Variants in NRXN3 observed in about 807,000 individuals in gnomAD.
The protein encoded by NRXN3 is neurexin III.
NRXN3 carries 32 observed loss-of-function variants against 137.6 expected under a neutral mutation model. The observed-to-expected ratio is 0.23, with a 90% confidence interval of 0.18 to 0.31. The LOEUF (loss-of-function observed/expected upper bound fraction) is 0.31, where lower values mean the gene tolerates loss of function less well. Among genes scored for constraint, NRXN3 ranks in the 10% least tolerant of loss-of-function variants. NRXN3 has a pLI of 1.00. For missense variants in NRXN3, 1,574 were observed against 2,062.5 expected (o/e 0.76, Z 4.59); for synonymous variants, 798 against 784.5 (o/e 1.02, Z -0.29).
intron 4 of NRXN3, among the ~76,000 whole-genome samples, chr14:78,432,599 C>T (rs1194359458): frequency 6.6e-6 from 1 of 152,178 alleles, no homozygotes; most frequent in African/African-American, 2.4e-5. Context: ...GGGCAAGCTC[C>T]TATGCCTCAG....
intron 15 of NRXN3, among the ~76,000 whole-genome samples, chr14:79,184,463 A>G (rs1051014039): frequency 6.6e-6 from 1 of 152,212 alleles, no homozygotes; most frequent in Admixed American, 6.5e-5. Flanking sequence ...CCTTTACAAA[A>G]GTAGGTGCTA....
At chr14:79,191,494 G>GCATAACTATGTTCCCACTTA (rs1244617000) in intron 15 of NRXN3, among the ~76,000 whole-genome samples, 1 of 152,166 alleles carries the variant, frequency 6.6e-6, no homozygotes, top group Non-Finnish European at 1.5e-5. Context: ...CTGACTTCTT[G>GCATAACTATGTTCCCACTTA]CATAACTATG....
intron 16 of NRXN3, among the ~76,000 whole-genome samples, chr14:79,620,190 G>A (rs577647531): frequency 6.6e-6 from 1 of 152,216 alleles, no homozygotes; most frequent in South Asian, 2.1e-4. Context: ...TACAAGGAGT[G>A]TCCAGAGAAT....
chr14:78,774,892 TAGCCTGGGTGACAG>T (rs886817925), intron 8 of NRXN3, among the ~76,000 whole-genome samples: 4 of 151,980 alleles, frequency 2.6e-5, no homozygotes, highest in African/African-American at 9.7e-5. Flanking sequence ...CACTACACGC[TAGCCTGGGTGACAG>T]AGTGAAACCC....
At chr14:79,817,079 T>G (rs988888999) in intron 20 of NRXN3, among the ~76,000 whole-genome samples, 4 of 152,124 alleles carry the variant, frequency 2.6e-5, no homozygotes, top group Non-Finnish European at 4.4e-5. Context: ...TATTTTTTTT[T>G]GGTCACTCTG....
At chr14:78,298,425 T>A (rs1404810483) in intron 4 of NRXN3, among the ~76,000 whole-genome samples, 1 of 152,234 alleles carries the variant, frequency 6.6e-6, no homozygotes, top group East Asian at 1.9e-4. Context: ...AATGTCCTCA[T>A]GGCAGAATAC....
At chr14:79,374,356 G>A (rs1437441095) in intron 15 of NRXN3, among the ~76,000 whole-genome samples, 2 of 151,984 alleles carry the variant, frequency 1.3e-5, no homozygotes, top group African/African-American at 4.8e-5. Flanking sequence ...TGCCCTTTAT[G>A]TTAGAGTTTA....
intron 6 of NRXN3, among the ~76,000 whole-genome samples, chr14:78,657,046 C>CAAAAAAAAAAA (rs1174872709): frequency 3.2e-5 from 1 of 31,056 alleles, no homozygotes; most frequent in African/African-American, 1.1e-4. Context: ...GACTCCGTCT[C>CAAAAAAAAAAA]AAAAAAAAAA....
At chr14:78,724,380 T>A (rs1196364953) in intron 8 of NRXN3, among the ~76,000 whole-genome samples, 1 of 152,200 alleles carries the variant, frequency 6.6e-6, no homozygotes, top group African/African-American at 2.4e-5. Context: ...ACTTAAAACC[T>A]AAAACTTGAC....
intron 19 of NRXN3, among the ~76,000 whole-genome samples, chr14:79,715,420 T>C (rs2098820454): frequency 6.6e-6 from 1 of 152,220 alleles, no homozygotes; most frequent in South Asian, 2.1e-4. Flanking sequence ...GTGGAGATTC[T>C]GGCAAACCTA....
At chr14:78,314,355 A>G (rs1215985940) in intron 4 of NRXN3, among the ~76,000 whole-genome samples, 2 of 152,208 alleles carry the variant, frequency 1.3e-5, no homozygotes, top group African/African-American at 4.8e-5. Context: ...TAATGCTAAC[A>G]AAATTTTCTC....
At chr14:78,848,081 C>T (rs1346502113) in intron 10 of NRXN3, among the ~76,000 whole-genome samples, 5 of 152,026 alleles carry the variant, frequency 3.3e-5, no homozygotes, top group South Asian at 2.1e-4. Context: ...AAGAGTTACC[C>T]AAGGCTCAGT....
intron 15 of NRXN3, chr14:79,246,745 C>A (rs1221535590): frequency 6.6e-6 from 1 of 152,058 alleles, no homozygotes; most frequent in Non-Finnish European, 1.5e-5. Context: ...TTTTGTTTTC[C>A]CTGCAACAAG....
At chr14:78,780,300 ATAAAT>A (rs1405475329) in intron 8 of NRXN3, among the ~76,000 whole-genome samples, 2 of 152,206 alleles carry the variant, frequency 1.3e-5, no homozygotes, top group East Asian at 3.8e-4. Context: ...ACCCATGAAA[ATAAAT>A]TAAGGATATA....
chr14:78,758,360 C>T (rs2098678157), intron 8 of NRXN3, among the ~76,000 whole-genome samples: 1 of 152,218 alleles, frequency 6.6e-6, no homozygotes, highest in South Asian at 2.1e-4. Context: ...CTTAAACCTT[C>T]CAGCCATGGC....
At chr14:78,355,279 GGAGCACAGT>G (rs1481758837) in intron 4 of NRXN3, among the ~76,000 whole-genome samples, 1 of 151,844 alleles carries the variant, frequency 6.6e-6, no homozygotes, top group African/African-American at 2.4e-5. Context: ...TCCCTTTGAG[GGAGCACAGT>G]GAGAGATGGG....
At chr14:78,860,188 G>C (rs899674904) in intron 10 of NRXN3, among the ~76,000 whole-genome samples, 1 of 152,008 alleles carries the variant, frequency 6.6e-6, no homozygotes. Context: ...ACTGCACTGG[G>C]TACCTTATAT....
Position 79,438,078 on chromosome 14 carries a change from T to C in NRXN3, c.3263-29143T>C, listed in dbSNP as rs558310307. On this transcript the variant is annotated intron_variant, in intron 15 of 20. Transcript: ENST00000335750. ...AAGTTGTCCTCAGTCTACTACTCTA[T>C]TGCCTCTGGCTGGAAAAACTCGGGT... 2.6e-5 allele frequency among the ~76,000 whole-genome samples: 4 copies of C among 152,210 alleles called. No individual in the cohort carries two copies. In the South Asian group the frequency reaches 8.3e-4, roughly 32 times the overall value.
chr14:79,409,249 A>G lies in NRXN3; in HGVS notation c.3263-57972A>G, dbSNP rs571452314. Among the ~76,000 whole-genome samples, 6 of 152,084 alleles carry G rather than the reference A, an allele frequency of 3.9e-5. No homozygotes were observed. In the South Asian group the frequency reaches 1.2e-3, roughly 32 times the overall value. On this transcript the variant is annotated intron_variant, in intron 15 of 20. Coordinates refer to ENST00000335750, the MANE Select transcript of NRXN3 (RefSeq NM_001330195.2). ...GATATATATATATATTCTGCTACATACATATGCAGGTATATTTTTCAATCA... is the reference window on the plus strand; with the variant it reads ...GATATATATATATATTCTGCTACATGCATATGCAGGTATATTTTTCAATCA...
Sources: gnomAD v4.1 joint callset for allele counts (sites outside exome capture counted in the v4.1 genomes callset) on GRCh38, gnomAD v4.1.1 for gene constraint, MANE v1.5 for transcripts, NCBI Gene and HGNC (gene_info 2026-07-23, HGNC 2026-07-21) for gene names.